Variants in RCAN2 observed in about 807,000 individuals in gnomAD.
RCAN2 encodes the protein calcipressin-2.
A neutral mutation model predicts 23.6 loss-of-function variants in RCAN2; 9 were observed. The ratio of observed to expected loss-of-function variants is 0.38; its 90% CI spans 0.23 to 0.67. The LOEUF is 0.67. Ranked by LOEUF, RCAN2 falls within the 30% of genes least tolerant of loss-of-function variation. The pLI, the probability that RCAN2 is intolerant of heterozygous loss-of-function variation, is 0.51. For missense variants in RCAN2, 273 were observed against 302.3 expected (o/e 0.90, Z 0.72); for synonymous variants, 109 against 115.7 (o/e 0.94, Z 0.37).
At chr6:46,240,717 T>G (rs1351447518) in intron 4 of RCAN2, among the ~76,000 whole-genome samples, 1 of 152,208 alleles carries the variant, frequency 6.6e-6, no homozygotes, top group Non-Finnish European at 1.5e-5. Context: ...AAACTGAATT[T>G]TTTTCTACCT....
intron 2 of RCAN2, among the ~76,000 whole-genome samples, chr6:46,299,247 C>T (rs1193772196): frequency 6.6e-6 from 1 of 151,982 alleles, no homozygotes; most frequent in Non-Finnish European, 1.5e-5. Flanking sequence ...AAAGATGCAC[C>T]TAACTTAAAG....
intron 1 of RCAN2, among the ~76,000 whole-genome samples, chr6:46,466,646 TAACTCCA>T (rs1364383776): frequency 6.6e-6 from 1 of 152,152 alleles, no homozygotes; most frequent in African/African-American, 2.4e-5. Flanking sequence ...AAATCTTCCA[TAACTCCA>T]CAGGACCTGT....
chr6:46,381,760 C>T (rs1765620721), intron 2 of RCAN2, among the ~76,000 whole-genome samples: 1 of 152,150 alleles, frequency 6.6e-6, no homozygotes, highest in Admixed American at 6.5e-5. Context: ...CTGCTCACCT[C>T]GGACCAGAGG....
chr6:46,327,482 C>A (rs960435992), intron 2 of RCAN2, among the ~76,000 whole-genome samples: 1 of 152,126 alleles, frequency 6.6e-6, no homozygotes, highest in East Asian at 1.9e-4. Context: ...ACAAGGCAGC[C>A]GGAGCCAGAT....
At chr6:46,378,683 C>T (rs183206172) in intron 2 of RCAN2, among the ~76,000 whole-genome samples, 132 of 152,298 alleles carry the variant, frequency 8.7e-4, no homozygotes, top group Admixed American at 1.6e-3. Context: ...ATGGAGCAGG[C>T]TGCTCCTAGG....
intron 2 of RCAN2, among the ~76,000 whole-genome samples, chr6:46,340,327 C>T (rs1352501466): frequency 1.7e-5 from 2 of 120,574 alleles, no homozygotes; most frequent in African/African-American, 5.1e-5. Flanking sequence ...TGTATTTATG[C>T]ATATAAGAGA....
chr6:46,456,871 C>T lies in RCAN2; in HGVS notation c.106G>A (p.Ala36Thr). 1.3e-6 allele frequency: 2 copies of T among 1,550,626 alleles called. No homozygotes were observed. Among genetic ancestry groups the T allele is most frequent in the Non-Finnish European group, 1.7e-6 (2 of 1,146,974 alleles). ...TCTTCTGCAAAACAACGAGTGACAG[C>T]CCAGTCCCTGTCTATGCAGCACAGT... Reference protein sequence around the residue: ...FLLCCIDRDWAVTRCFAEEAF... With the variant: ...FLLCCIDRDWTVTRCFAEEAF... Residue 36 changes from alanine to threonine, a missense_variant, in exon 2 of 5, where the codon GCT becomes ACT. Transcript: ENST00000371374.
At chr6:46,487,712 GTTCCCC>G (rs1008887836) in intron 1 of RCAN2, among the ~76,000 whole-genome samples, 16 of 152,218 alleles carry the variant, frequency 1.1e-4, no homozygotes, top group African/African-American at 3.9e-4. Context: ...GGCAGGCAGG[GTTCCCC>G]TTCCAGGACC....
intron 1 of RCAN2, among the ~76,000 whole-genome samples, chr6:46,466,719 G>A (rs1345842527): frequency 6.6e-6 from 1 of 152,102 alleles, no homozygotes; most frequent in Non-Finnish European, 1.5e-5. Context: ...CAAGATGACA[G>A]ACTTCCTATC....
chr6:46,320,543 G>A (rs570952044), intron 2 of RCAN2, among the ~76,000 whole-genome samples: 315 of 152,240 alleles, frequency 2.1e-3, no homozygotes, highest in African/African-American at 5.1e-3. Context: ...GTATACTATC[G>A]TGTAAAAAGA....
intron 2 of RCAN2, among the ~76,000 whole-genome samples, chr6:46,433,095 T>C (rs182213693): frequency 3.6e-3 from 542 of 152,300 alleles, no homozygotes; most frequent in Admixed American, 0.01. Context: ...GAAATTATGT[T>C]AACAACAATA....
Position 46,456,754 on chromosome 6 carries a change from T to C in RCAN2, c.223A>G (p.Lys75Glu). Residue 75 changes from lysine to glutamate, a missense_variant and splice_region_variant, in exon 2 of 5, where the codon AAG (lysine) becomes GAG (glutamate). Lys to Glu is a moderately conservative substitution (Grantham distance 56). Coordinates refer to ENST00000371374, the MANE Select transcript of RCAN2 (RefSeq NM_001251974.2). Reference sequence around the variant, plus strand: ...AGGAACAGAAAAAGGCAGCTTACCTTGCTCTCTTCTCCTTCAAACACTGAC... The same window carrying C: ...AGGAACAGAAAAAGGCAGCTTACCTCGCTCTCTTCTCCTTCAAACACTGAC... ...HQSVFEGEES[K>E]EKFEGLFRTY... 4 of 1,548,888 alleles carry C rather than the reference T, an allele frequency of 2.6e-6. No homozygotes were observed. Among genetic ancestry groups the C allele is most frequent in the Non-Finnish European group, 1.7e-6 (2 of 1,145,144 alleles).
chr6:46,305,024 A>G (rs1763019051), intron 2 of RCAN2, among the ~76,000 whole-genome samples: 1 of 152,124 alleles, frequency 6.6e-6, no homozygotes, highest in Admixed American at 6.5e-5. Context: ...ATAGTCTCCT[A>G]GTCCCACCTA....
At chr6:46,469,736 G>T (rs1768501988) in intron 1 of RCAN2, among the ~76,000 whole-genome samples, 1 of 152,114 alleles carries the variant, frequency 6.6e-6, no homozygotes, top group Non-Finnish European at 1.5e-5. Context: ...CCTAAATGTA[G>T]GTGTTGAAAC....
At position 46,410,846 on chromosome 6, in the gene RCAN2, C is replaced by A. The variant is rs557777163; in HGVS notation, c.225+45906G>T. 8.5e-5 allele frequency among the ~76,000 whole-genome samples: 13 copies of A among 152,296 alleles called. No individual in the cohort carries two copies. In the East Asian group the frequency reaches 1.9e-3, roughly 23 times the overall value. On this transcript the variant is annotated intron_variant, in intron 2 of 4. Transcript: ENST00000371374. The stretch of plus-strand genomic sequence containing the variant: ...ATTATATTAAGCTATCTATCAATTT[C>A]AAAGCCCTTTTATATCCATGATTAT...
chr6:46,233,195 C>T (rs1300040231), intron 4 of RCAN2, among the ~76,000 whole-genome samples: 1 of 152,186 alleles, frequency 6.6e-6, no homozygotes, highest in African/African-American at 2.4e-5. Flanking sequence ...TCAAGTCACT[C>T]AAAGTTCCAC....
intron 2 of RCAN2, among the ~76,000 whole-genome samples, chr6:46,330,004 A>C (rs1359174385): frequency 1.3e-5 from 2 of 152,222 alleles, no homozygotes; most frequent in Admixed American, 1.3e-4. Context: ...CATTACAGCT[A>C]TGGGTTGTCA....
intron 2 of RCAN2, among the ~76,000 whole-genome samples, chr6:46,374,687 T>C (rs1765412634): frequency 6.6e-6 from 1 of 152,218 alleles, no homozygotes; most frequent in Admixed American, 6.5e-5. Flanking sequence ...TCAGCCTATT[T>C]TAAACATAAA....
At chr6:46,268,149 C>T (rs1389034480) in intron 2 of RCAN2, among the ~76,000 whole-genome samples, 2 of 152,164 alleles carry the variant, frequency 1.3e-5, no homozygotes, top group Non-Finnish European at 1.5e-5. Context: ...TCAGAAAACA[C>T]CATTTTATTC....
Sources: allele counts gnomAD v4.1 joint callset (sites outside exome capture counted in the v4.1 genomes callset), GRCh38; gene constraint gnomAD v4.1.1; transcripts MANE v1.5; gene names NCBI Gene and HGNC (gene_info 2026-07-23, HGNC 2026-07-21).